Variants in CTDSPL2 observed in about 807,000 individuals in gnomAD.
The protein encoded by CTDSPL2 is CTD small phosphatase like 2.
CTDSPL2 carries 5 observed loss-of-function variants against 60.0 expected under a neutral mutation model. The ratio of observed to expected loss-of-function variants is 0.08; its 90% CI spans 0.04 to 0.18. The LOEUF is 0.18. CTDSPL2 is among the 10% of genes least tolerant of loss of function. The probability of loss-of-function intolerance (pLI) is 1.00; values close to 1 mark genes in which losing one functional copy is unlikely to be tolerated. For missense variants in CTDSPL2, 370 were observed against 548.8 expected (o/e 0.67, Z 3.26); for synonymous variants, 186 against 189.3 (o/e 0.98, Z 0.14).
At chr15:44,501,145 C>T (rs560478596) in intron 8 of CTDSPL2, among the ~76,000 whole-genome samples, 6 of 151,978 alleles carry the variant, frequency 3.9e-5, no homozygotes, top group East Asian at 3.9e-4. Flanking sequence ...CTTTTAAGCT[C>T]GATAACCTTG....
In CTDSPL2 at chr15:44,484,339, G is replaced by A. The variant is rs1457108280; in HGVS notation, c.302G>A (p.Arg101Lys). 1 of 1,613,658 alleles carries A rather than the reference G, an allele frequency of 6.2e-7. No individual in the cohort carries two copies. The highest frequency in any genetic ancestry group is 8.5e-7 in the Non-Finnish European group (1 of 1,179,782). The stretch of plus-strand genomic sequence containing the variant: ...CCTAACAAACAGATATCTCGAGTAA[G>A]ACGGAAAAGTCAAGTAAATGGAGGT... ...EKPNKQISRV[R>K]RKSQVNGEAG... The change falls in exon 3 of 13, where the codon AGA becomes AAA. Residue 101 changes from arginine to lysine, a missense_variant. Physicochemically the swap from Arg to Lys is conservative, Grantham distance 26 (BLOSUM62 2). Coordinates refer to ENST00000260327, the MANE Select transcript of CTDSPL2 (RefSeq NM_016396.3).
chr15:44,475,965 A>G (rs1008282624), intron 2 of CTDSPL2, among the ~76,000 whole-genome samples: 4 of 152,208 alleles, frequency 2.6e-5, no homozygotes, highest in African/African-American at 9.6e-5. Context: ...GAATCCTGAT[A>G]TGTCAGTTTC....
intron 2 of CTDSPL2, among the ~76,000 whole-genome samples, chr15:44,466,980 T>C (rs934855982): frequency 6.6e-6 from 1 of 152,118 alleles, no homozygotes; most frequent in Non-Finnish European, 1.5e-5. Flanking sequence ...CTGTACTGAT[T>C]ATCATGGGCA....
chr15:44,455,155 G>A (rs1259342328), intron 1 of CTDSPL2, among the ~76,000 whole-genome samples: 1 of 152,134 alleles, frequency 6.6e-6, no homozygotes, highest in African/African-American at 2.4e-5. Context: ...TTGTAAGTTG[G>A]ATTCCTAGGT....
chr15:44,506,025 C>CGTTTTTTTTTTTTTTTTTTT (rs1555439067), intron 8 of CTDSPL2, among the ~76,000 whole-genome samples: 2 of 117,580 alleles, frequency 1.7e-5, no homozygotes, highest in South Asian at 2.8e-4. Context: ...TCATTGGTAA[C>CGTTTTTTTTTTTTTTTTTTT]TTTTTTTTTT....
chr15:44,521,067 T>A (rs886340935), intron 11 of CTDSPL2: 35 of 223,608 alleles, frequency 1.6e-4, no homozygotes, highest in Admixed American at 1.0e-3. Flanking sequence ...TTAATGGAAC[T>A]TTCTTGTTTA....
At chr15:44,484,893 C>T (rs914641746) in intron 3 of CTDSPL2, among the ~76,000 whole-genome samples, 1 of 152,098 alleles carries the variant, frequency 6.6e-6, no homozygotes, top group African/African-American at 2.4e-5. Flanking sequence ...TGCTATTTAG[C>T]ATAAAAATGT....
chr15:44,471,023 G>A (rs1054870149), intron 2 of CTDSPL2, among the ~76,000 whole-genome samples: 9 of 152,068 alleles, frequency 5.9e-5, no homozygotes, highest in African/African-American at 1.9e-4. Flanking sequence ...TGACCAAAAA[G>A]TATCCTTATT....
chr15:44,486,823 G>GCGATCTCCCC (rs2081129426), intron 4 of CTDSPL2, 123 bp downstream of exon 4: 1 of 648,842 alleles, frequency 1.5e-6, no homozygotes, highest in African/African-American at 2.0e-5. Context: ...GTGCAGTGAC[G>GCGATCTCCCC]CGATCTCCCC....
chr15:44,455,637 T>C (rs2080419316), intron 1 of CTDSPL2, among the ~76,000 whole-genome samples: 1 of 152,140 alleles, frequency 6.6e-6, no homozygotes, highest in Non-Finnish European at 1.5e-5. Flanking sequence ...TGAAGGGCTG[T>C]TGAATTTTGT....
At chr15:44,481,837 T>C (rs1266590198) in intron 2 of CTDSPL2, among the ~76,000 whole-genome samples, 1 of 152,216 alleles carries the variant, frequency 6.6e-6, no homozygotes, top group East Asian at 1.9e-4. Flanking sequence ...CCTCCCAAAG[T>C]GCTGGGATTA....
At chr15:44,519,076 T>C in intron 10 of CTDSPL2, 93 bp from the exon 11 acceptor site, 1 of 799,652 alleles carries the variant, frequency 1.3e-6, no homozygotes, top group Non-Finnish European at 1.7e-6. Context: ...TCATATGGCT[T>C]AAACTATAAA....
At chr15:44,445,953 T>TC (rs980957432) in intron 1 of CTDSPL2, among the ~76,000 whole-genome samples, 7 of 149,734 alleles carry the variant, frequency 4.7e-5, no homozygotes, top group African/African-American at 1.5e-4. Flanking sequence ...TTTTTTTTTT[T>TC]CTCGCTTTGT....
chr15:44,444,184 C>G (rs1199201809), intron 1 of CTDSPL2, among the ~76,000 whole-genome samples: 1 of 151,910 alleles, frequency 6.6e-6, no homozygotes, highest in Admixed American at 6.6e-5. Flanking sequence ...GCCATGGCAC[C>G]TGGCTCAAAA....
chr15:44,508,305 A>C (rs1027392561), intron 8 of CTDSPL2, among the ~76,000 whole-genome samples: 6 of 151,958 alleles, frequency 3.9e-5, no homozygotes, highest in African/African-American at 1.5e-4. Context: ...GCTAGTCTCA[A>C]AACTCCTGGG....
At chr15:44,470,157 G>A (rs954961574) in intron 2 of CTDSPL2, among the ~76,000 whole-genome samples, 2 of 148,804 alleles carry the variant, frequency 1.3e-5, no homozygotes, top group African/African-American at 4.9e-5. Context: ...ATTTTTTCAT[G>A]TACTTGTTTT....
chr15:44,523,454 A>T (rs2081821771), intron 12 of CTDSPL2, among the ~76,000 whole-genome samples: 1 of 151,862 alleles, frequency 6.6e-6, no homozygotes, highest in Non-Finnish European at 1.5e-5. Flanking sequence ...ATAAGCAAGC[A>T]AGCTTGCTGG....
In CTDSPL2 at chr15:44,445,378, C is replaced by T. The variant is rs144130920; in HGVS notation, c.-24-13613C>T. On this transcript the variant is annotated intron_variant, in intron 1 of 12. Transcript: ENST00000260327. ...AATTTTTTTGTATTTTTAGTAGATA[C>T]AGGGTTTCATCATGTTGCCCAGGCT... 8.4e-3 allele frequency among the ~76,000 whole-genome samples: 1,273 copies of T among 151,808 alleles called. 21 individuals are homozygous for T. Among genetic ancestry groups the T allele is most frequent in the African/African-American group, 0.029 (1,207 of 41,398 alleles).
intron 1 of CTDSPL2, among the ~76,000 whole-genome samples, chr15:44,455,601 A>T (rs1426285566): frequency 5.3e-5 from 8 of 152,090 alleles, no homozygotes; most frequent in Admixed American, 4.6e-4. Flanking sequence ...TCCCATCAAT[A>T]CCTAATTTAT....
Sources: gnomAD v4.1 joint callset for allele counts (sites outside exome capture counted in the v4.1 genomes callset) on GRCh38, gnomAD v4.1.1 for gene constraint, MANE v1.5 for transcripts, NCBI Gene and HGNC (gene_info 2026-07-23, HGNC 2026-07-21) for gene names.